STOX2: variants seen among roughly 807,000 people sequenced by gnomAD.
STOX2 encodes storkhead-box protein 2.
STOX2 carries 28 observed loss-of-function variants against 60.9 expected under a neutral mutation model. The ratio of observed to expected loss-of-function variants is 0.46; its 90% confidence interval spans 0.34 to 0.63. The LOEUF (loss-of-function observed/expected upper bound fraction) is 0.63, where lower values mean the gene tolerates loss of function less well. Among genes scored for constraint, STOX2 ranks in the 30% least tolerant of loss-of-function variants. The pLI, the probability that STOX2 is intolerant of heterozygous loss-of-function variation, is 0.01. For missense variants in STOX2, 1,024 were observed against 1,187.7 expected, an observed-to-expected ratio of 0.86 and a Z score of 2.03; for synonymous variants, 472 against 463.9, an observed-to-expected ratio of 1.02 and a Z score of -0.22.
At chr4:183,957,213 G>A (rs1400524447) in intron 1 of STOX2, among the ~76,000 whole-genome samples, 1 of 151,140 alleles carries the variant, frequency 6.6e-6, no homozygotes, top group Non-Finnish European at 1.5e-5. Context: ...GGCACGTGGT[G>A]GCTTTTTGTC....
chr4:183,948,111 A>G (rs548492350), intron 1 of STOX2, among the ~76,000 whole-genome samples: 1 of 147,862 alleles, frequency 6.8e-6, no homozygotes, highest in African/African-American at 2.5e-5. Context: ...CCAGCTAGTC[A>G]GGAGGCTGAG....
chr4:183,870,388 G>T (rs1740661822), intron 1 of STOX2, among the ~76,000 whole-genome samples: 1 of 152,192 alleles, frequency 6.6e-6, no homozygotes, highest in South Asian at 2.1e-4. Flanking sequence ...CAGTTTAGAT[G>T]ACTATGGTTT....
Position 183,989,487 on chromosome 4 carries a change from C to T in STOX2, c.167-11838C>T, listed in dbSNP as rs186548413. On this transcript the variant is annotated intron_variant, in intron 1 of 3. Transcript: ENST00000308497. ...AAAGTGCTGGGATTACAGGCGTGAG[C>T]CACTGTGCCCGGCCTCGACATTTTT... Among the ~76,000 whole-genome samples, 3 of 152,150 alleles carry T rather than the reference C, an allele frequency of 2.0e-5. No individual in the cohort carries two copies. In the South Asian group the frequency reaches 6.2e-4, roughly 32 times the overall value.
intron 1 of STOX2, among the ~76,000 whole-genome samples, chr4:183,844,657 A>G (rs7658419): frequency 0.15 from 23,503 of 152,174 alleles, 1,954 homozygotes; most frequent in East Asian, 0.21. Flanking sequence ...CAGTTATTAA[A>G]AAGTTCTTTC....
chr4:183,860,401 A>G lies in STOX2; in HGVS notation c.364+62346A>G, dbSNP rs56307137. 1.7e-3 allele frequency among the ~76,000 whole-genome samples: 261 copies of G among 149,570 alleles called. 1 individual carries two copies. The highest frequency in any genetic ancestry group is 5.8e-3 in the African/African-American group (237 of 40,958). ...GACCTTCCCACTATTCCATGCTGCC[A>G]GCTGGCTTAAAACAAAACAAAACAA... On this transcript the variant is annotated intron_variant, in intron 1 of 2. Transcript: ENST00000513034.
intron 1 of STOX2, among the ~76,000 whole-genome samples, chr4:183,895,898 G>T (rs958447160): frequency 9.9e-5 from 15 of 152,198 alleles, no homozygotes; most frequent in African/African-American, 3.6e-4. Context: ...CAGGACAAGG[G>T]CCTCTAAATC....
chr4:183,885,232 A>C (rs968132022), intron 1 of STOX2, among the ~76,000 whole-genome samples: 2 of 151,142 alleles, frequency 1.3e-5, no homozygotes, highest in African/African-American at 4.9e-5. Flanking sequence ...TTCACCTTTC[A>C]TACTGTTTGT....
At chr4:183,823,313 T>C (rs1739345021) in intron 1 of STOX2, among the ~76,000 whole-genome samples, 1 of 152,152 alleles carries the variant, frequency 6.6e-6, no homozygotes, top group African/African-American at 2.4e-5. Context: ...GGGGAATCAC[T>C]TGAACCCGGG....
chr4:183,841,175 C>T (rs567216166), intron 1 of STOX2, among the ~76,000 whole-genome samples: 44 of 147,074 alleles, frequency 3.0e-4, no homozygotes, highest in African/African-American at 8.1e-4. Context: ...CAGTTTTCAT[C>T]GTAGTATTTA....
At chr4:183,933,229 T>C (rs1423911136) in intron 1 of STOX2, among the ~76,000 whole-genome samples, 2 of 152,222 alleles carry the variant, frequency 1.3e-5, no homozygotes, top group African/African-American at 2.4e-5. Context: ...ACAAATACCG[T>C]GCCTTTCCCC....
chr4:183,993,206 C>G (rs1208577382), intron 1 of STOX2, among the ~76,000 whole-genome samples: 4 of 152,172 alleles, frequency 2.6e-5, no homozygotes, highest in Non-Finnish European at 4.4e-5. Context: ...AAGCTTTTAC[C>G]TGTAGTCAAA....
At chr4:183,822,857 G>C (rs543137081) in intron 1 of STOX2, among the ~76,000 whole-genome samples, 1 of 152,156 alleles carries the variant, frequency 6.6e-6, no homozygotes, top group Non-Finnish European at 1.5e-5. Flanking sequence ...TTGTCTAAGA[G>C]GCTGAAATTC....
intron 1 of STOX2, among the ~76,000 whole-genome samples, chr4:183,879,747 G>T (rs577087157): frequency 1.3e-5 from 2 of 152,010 alleles, no homozygotes; most frequent in Non-Finnish European, 2.9e-5. Context: ...GTGGGAACCT[G>T]TTGGGTCTAT....
chr4:183,798,158 C>G (rs1738671702), intron 1 of STOX2: 4 of 1,117,332 alleles, frequency 3.6e-6, no homozygotes, highest in Non-Finnish European at 3.4e-6. Context: ...CCGCGGGCAC[C>G]GCCGAGGCTC....
chr4:183,811,958 G>A (rs1381251728), intron 1 of STOX2, among the ~76,000 whole-genome samples: 1 of 120,846 alleles, frequency 8.3e-6, no homozygotes, highest in African/African-American at 3.8e-5. Flanking sequence ...TTTTGAGACA[G>A]GGTCTCACTC....
intron 2 of STOX2, among the ~76,000 whole-genome samples, chr4:184,007,015 C>CAAAAAAAAAA (rs61393267): frequency 3.8e-5 from 2 of 52,814 alleles, no homozygotes; most frequent in Non-Finnish European, 3.7e-5. Flanking sequence ...GACTCTGTCT[C>CAAAAAAAAAA]AAAAAAAAAA....
chr4:183,826,850 A>C (rs1186323029), intron 1 of STOX2, among the ~76,000 whole-genome samples: 1 of 152,250 alleles, frequency 6.6e-6, no homozygotes, highest in Non-Finnish European at 1.5e-5. Flanking sequence ...TTCCTCTCTG[A>C]TCTCAGCATT....
At chr4:183,902,944 A>G (rs1741494662), upstream of STOX2, among the ~76,000 whole-genome samples, 1 of 152,286 alleles carries the variant, frequency 6.6e-6, no homozygotes, top group Admixed American at 6.5e-5. Context: ...GAGTGGAGCT[A>G]TAGCTCTTCT....
intron 1 of STOX2, among the ~76,000 whole-genome samples, chr4:183,810,406 A>G (rs555846623): frequency 6.6e-6 from 1 of 152,326 alleles, no homozygotes; most frequent in East Asian, 1.9e-4. Flanking sequence ...CAGTGCAACA[A>G]GGTTTTGCAG....
Sources: allele counts gnomAD v4.1 joint callset (sites outside exome capture counted in the v4.1 genomes callset), GRCh38; gene constraint gnomAD v4.1.1; transcripts MANE v1.5; gene names NCBI Gene and HGNC (gene_info 2026-07-23, HGNC 2026-07-21).